Variants in MEF2A observed in about 807,000 individuals in gnomAD.
MEF2A encodes the protein myocyte enhancer factor 2A.
In MEF2A, 28 loss-of-function variants were observed where a neutral mutation model predicts 55.8. That is an observed-to-expected ratio of 0.50 (90% confidence interval 0.37 to 0.69). The LOEUF (loss-of-function observed/expected upper bound fraction) is 0.69, where lower values mean the gene tolerates loss of function less well. Among genes scored for constraint, MEF2A ranks in the 30% least tolerant of loss-of-function variants. The pLI, the probability that MEF2A is intolerant of heterozygous loss-of-function variation, is 0.00. For synonymous variants in MEF2A, 239 were observed against 227.1 expected (o/e 1.05, Z -0.47); for missense variants, 528 against 626.2 (o/e 0.84, Z 1.67).
At chr15:99,580,977 A>G (rs1291581244) in intron 1 of MEF2A, among the ~76,000 whole-genome samples, 1 of 152,076 alleles carries the variant, frequency 6.6e-6, no homozygotes, top group Non-Finnish European at 1.5e-5. Flanking sequence ...GTAAGATGGC[A>G]CTAAATCTGT....
chr15:99,655,666 T>C (rs2047584444), intron 4 of MEF2A, among the ~76,000 whole-genome samples: 1 of 152,072 alleles, frequency 6.6e-6, no homozygotes, highest in Non-Finnish European at 1.5e-5. Context: ...GAAAGAGGAA[T>C]GCAATTCCAT....
chr15:99,644,589 A>G (rs553869748), intron 3 of MEF2A, among the ~76,000 whole-genome samples: 1 of 152,358 alleles, frequency 6.6e-6, no homozygotes, highest in South Asian at 2.1e-4. Flanking sequence ...TAGGAAGAAA[A>G]TCGTATGATA....
intron 2 of MEF2A, among the ~76,000 whole-genome samples, chr15:99,601,961 A>G (rs1040550651): frequency 2.0e-5 from 3 of 152,026 alleles, no homozygotes; most frequent in Admixed American, 6.6e-5. Context: ...GAATTCACCA[A>G]TGAAGACCTC....
chr15:99,598,557 G>A (rs1971992473), intron 2 of MEF2A, 46 bp downstream of exon 2: 1 of 151,962 alleles, frequency 6.6e-6, no homozygotes, highest in South Asian at 2.1e-4. Context: ...CAATGGAAAT[G>A]TATTTTAAAA....
intron 1 of MEF2A, among the ~76,000 whole-genome samples, chr15:99,597,343 C>G (rs1971542153): frequency 6.6e-6 from 1 of 152,058 alleles, no homozygotes; most frequent in South Asian, 2.1e-4. Flanking sequence ...GAAATAGACT[C>G]CAGTCTCCCA....
At chr15:99,631,892 C>T (rs1323016476) in intron 2 of MEF2A, among the ~76,000 whole-genome samples, 1 of 152,220 alleles carries the variant, frequency 6.6e-6, no homozygotes, top group Non-Finnish European at 1.5e-5. Flanking sequence ...TAATCACACA[C>T]TGGATTTGCA....
At chr15:99,615,627 A>T (rs1028617679) in intron 2 of MEF2A, among the ~76,000 whole-genome samples, 2 of 152,168 alleles carry the variant, frequency 1.3e-5, no homozygotes, top group African/African-American at 2.4e-5. Flanking sequence ...ATGTAGTAAG[A>T]GGTGGAGCTG....
intron 4 of MEF2A, among the ~76,000 whole-genome samples, chr15:99,669,429 A>T (rs2050422460): frequency 6.6e-6 from 1 of 152,182 alleles, no homozygotes; most frequent in Non-Finnish European, 1.5e-5. Context: ...AGCTACTTGG[A>T]AAGATTTGGC....
chr15:99,570,848 A>G (rs1391374806), intron 1 of MEF2A, among the ~76,000 whole-genome samples: 1 of 152,056 alleles, frequency 6.6e-6, no homozygotes, highest in East Asian at 1.9e-4. Context: ...TATGAGATCA[A>G]TAGAGTGGCA....
intron 8 of MEF2A, chr15:99,690,703 T>C (rs325385): frequency 0.96 from 514,896 of 537,906 alleles, 249,975 homozygotes; most frequent in East Asian, 1. Flanking sequence ...AAGCCAGGCA[T>C]AGAAAGATAG....
At chr15:99,570,108 A>G (rs1453061640) in intron 1 of MEF2A, among the ~76,000 whole-genome samples, 2 of 152,076 alleles carry the variant, frequency 1.3e-5, no homozygotes, top group Non-Finnish European at 2.9e-5. Context: ...AGATGAAATC[A>G]TAAGCATATG....
chr15:99,687,966 CAT>C lies in MEF2A; in HGVS notation c.671-2274_671-2273del, dbSNP rs2054621197. Reference sequence around the variant, plus strand: ...TTTAGGCAGTTGCTAGTCTTAATGACATGTGAATGCTGAGTCCTCCCCAGAGA... The same window carrying C: ...TTTAGGCAGTTGCTAGTCTTAATGACGTGAATGCTGAGTCCTCCCCAGAGA... On this transcript the variant is annotated intron_variant, in intron 7 of 11. Transcript: ENST00000557942. Among the ~76,000 whole-genome samples the C allele has an allele frequency of 2.6e-5, 4 of 152,312 alleles. No individual in the cohort carries two copies. In the South Asian group the frequency reaches 8.3e-4, roughly 32 times the overall value.
intron 1 of MEF2A, among the ~76,000 whole-genome samples, chr15:99,569,298 T>A (rs987753979): frequency 3.9e-5 from 6 of 152,234 alleles, no homozygotes; most frequent in Admixed American, 6.5e-5. Context: ...TTGCCTGATC[T>A]CCCTGCATCC....
chr15:99,593,327 C>T (rs1435958322), intron 1 of MEF2A, among the ~76,000 whole-genome samples: 2 of 152,126 alleles, frequency 1.3e-5, no homozygotes, highest in Non-Finnish European at 2.9e-5. Flanking sequence ...AGACACTTTC[C>T]CTTTTTCCAG....
intron 1 of MEF2A, among the ~76,000 whole-genome samples, chr15:99,587,133 A>G (rs1967587350): frequency 1.3e-5 from 2 of 151,930 alleles, no homozygotes; most frequent in Admixed American, 1.3e-4. Context: ...AGGTATACAT[A>G]TGCCATGGTG....
intron 4 of MEF2A, among the ~76,000 whole-genome samples, chr15:99,669,981 A>G (rs1239224741): frequency 6.6e-6 from 1 of 152,174 alleles, no homozygotes; most frequent in Non-Finnish European, 1.5e-5. Flanking sequence ...TTACTTAGAA[A>G]TTTTAACTTC....
At chr15:99,662,140 G>A (rs186201582) in intron 4 of MEF2A, among the ~76,000 whole-genome samples, 5 of 152,254 alleles carry the variant, frequency 3.3e-5, no homozygotes, top group Admixed American at 3.3e-4. Context: ...CACAGAGTTA[G>A]GATGGTATTA....
chr15:99,596,184 G>A (rs191154211), intron 1 of MEF2A, among the ~76,000 whole-genome samples: 5 of 152,260 alleles, frequency 3.3e-5, no homozygotes, highest in African/African-American at 9.6e-5. Flanking sequence ...TGCATTTTGA[G>A]ATGAGAATAT....
At chr15:99,639,022 A>G (rs888537394) in intron 3 of MEF2A, among the ~76,000 whole-genome samples, 5 of 152,198 alleles carry the variant, frequency 3.3e-5, no homozygotes, top group Admixed American at 6.5e-5. Context: ...ACCTAAAAGC[A>G]GACATCCTCA....
Sources: gnomAD v4.1 joint callset for allele counts (sites outside exome capture counted in the v4.1 genomes callset) on GRCh38, gnomAD v4.1.1 for gene constraint, MANE v1.5 for transcripts, NCBI Gene and HGNC (gene_info 2026-07-23, HGNC 2026-07-21) for gene names.